Variants in NELL2 observed in about 807,000 individuals in gnomAD.
NELL2 encodes neural EGFL like 2, also known as protein kinase C-binding protein NELL2.
A neutral mutation model predicts 109.6 loss-of-function variants in NELL2; 41 were observed. The observed-to-expected ratio is 0.37, with a 90% CI of 0.29 to 0.49. NELL2 has a LOEUF of 0.49. Ranked by LOEUF, NELL2 falls within the 20% of genes least tolerant of loss-of-function variation. The pLI, the probability that NELL2 is intolerant of heterozygous loss-of-function variation, is 0.98. For missense variants in NELL2, 900 were observed against 1,008.3 expected, an observed-to-expected ratio of 0.89 and a Z score of 1.45; for synonymous variants, 355 against 344.7, an observed-to-expected ratio of 1.03 and a Z score of -0.33.
chr12:44,603,715 C>G (rs4768561), intron 15 of NELL2, among the ~76,000 whole-genome samples: 9,439 of 152,108 alleles, frequency 0.062, 405 homozygotes, highest in Non-Finnish European at 0.095. Context: ...TCATACACAT[C>G]GCCCTTTTGT....
intron 15 of NELL2, among the ~76,000 whole-genome samples, chr12:44,543,164 G>A (rs927641445): frequency 6.6e-6 from 1 of 151,974 alleles, no homozygotes; most frequent in African/African-American, 2.4e-5. Flanking sequence ...TTTCCACTTG[G>A]ATACAAAATT....
intron 13 of NELL2, among the ~76,000 whole-genome samples, chr12:44,613,048 A>C (rs1945681448): frequency 6.6e-6 from 1 of 152,046 alleles, no homozygotes; most frequent in African/African-American, 2.4e-5. Flanking sequence ...CCATGCCTTT[A>C]CATATATATA....
chr12:44,708,551 T>G (rs1191527082), intron 11 of NELL2, among the ~76,000 whole-genome samples: 1 of 152,192 alleles, frequency 6.6e-6, no homozygotes, highest in African/African-American at 2.4e-5. Context: ...TCTTTAGGAG[T>G]TGACTAAAAA....
intron 9 of NELL2, among the ~76,000 whole-genome samples, chr12:44,727,127 T>C (rs1443299571): frequency 6.6e-6 from 1 of 151,990 alleles, no homozygotes; most frequent in Non-Finnish European, 1.5e-5. Context: ...ACACTTAGAG[T>C]AGCAAGATTA....
intron 1 of NELL2, among the ~76,000 whole-genome samples, chr12:44,900,984 TCAAAA>T (rs140014427): frequency 0.025 from 3,824 of 150,068 alleles, 84 homozygotes; most frequent in African/African-American, 0.061. Flanking sequence ...TAAGAAACTG[TCAAAA>T]CAAAACAAAA....
chr12:44,741,486 G>C (rs1400796037), intron 9 of NELL2, among the ~76,000 whole-genome samples: 1 of 152,310 alleles, frequency 6.6e-6, no homozygotes, highest in Non-Finnish European at 1.5e-5. Context: ...CACCGGGCGT[G>C]AGCCAAAGCA....
chr12:44,772,814 T>A lies in NELL2; in HGVS notation c.994+1933A>T, dbSNP rs551158097. Among the ~76,000 whole-genome samples the A allele has an allele frequency of 5.9e-5, 9 of 152,244 alleles. No individual in the cohort carries two copies. In the South Asian group the frequency reaches 1.9e-3, roughly 32 times the overall value. ...TTTTTTTCATTATGTTGTGGTCTGC[T>A]CACTGATCACTCACTTCCAGCTTTA... On this transcript the variant is annotated intron_variant, in intron 9 of 19. Coordinates refer to ENST00000429094, the MANE Select transcript of NELL2 (RefSeq NM_001145108.2).
chr12:44,588,021 G>A (rs997647719), intron 15 of NELL2, among the ~76,000 whole-genome samples: 4 of 151,892 alleles, frequency 2.6e-5, no homozygotes, highest in Non-Finnish European at 5.9e-5. Context: ...CGTGGTGGCG[G>A]GCACCTGTAG....
chr12:44,543,262 T>G (rs1942655548), intron 15 of NELL2, among the ~76,000 whole-genome samples: 1 of 152,186 alleles, frequency 6.6e-6, no homozygotes, highest in Admixed American at 6.5e-5. Context: ...CTCTTTTTCT[T>G]GCTTTTGTCT....
chr12:44,666,521 T>G (rs1947931158), intron 12 of NELL2, among the ~76,000 whole-genome samples: 1 of 152,200 alleles, frequency 6.6e-6, no homozygotes, highest in South Asian at 2.1e-4. Flanking sequence ...GGATCAACTA[T>G]AAGAGATAGC....
At chr12:44,629,943 G>C (rs761157063) in intron 13 of NELL2, among the ~76,000 whole-genome samples, 2 of 152,146 alleles carry the variant, frequency 1.3e-5, no homozygotes, top group Admixed American at 6.5e-5. Flanking sequence ...AGAATCACAT[G>C]TTGGTTGGTT....
chr12:44,849,299 G>A (rs908307894), intron 2 of NELL2, among the ~76,000 whole-genome samples: 2 of 151,364 alleles, frequency 1.3e-5, no homozygotes, highest in Non-Finnish European at 2.9e-5. Flanking sequence ...TCTAACAAAG[G>A]GCATATTTTC....
intron 11 of NELL2, among the ~76,000 whole-genome samples, chr12:44,707,912 AAGG>A (rs1937973409): frequency 6.6e-6 from 1 of 152,188 alleles, no homozygotes; most frequent in African/African-American, 2.4e-5. Context: ...TTCCCAGGGA[AAGG>A]AGAACTGACA....
chr12:44,667,013 T>C (rs1264446936), intron 12 of NELL2, among the ~76,000 whole-genome samples: 3 of 152,212 alleles, frequency 2.0e-5, no homozygotes, highest in Non-Finnish European at 4.4e-5. Context: ...TCTATTTAAA[T>C]GTCCCTCCTA....
intron 15 of NELL2, among the ~76,000 whole-genome samples, chr12:44,588,548 T>C (rs1944629399): frequency 6.6e-6 from 1 of 152,176 alleles, no homozygotes; most frequent in South Asian, 2.1e-4. Flanking sequence ...GCACTGAAAG[T>C]AATCAGTGTG....
rs374317776 is a variant in NELL2 at position 44,641,749 on chromosome 12, T to C, written c.1444+23735A>G. On this transcript the variant is annotated intron_variant, in intron 13 of 19. Coordinates refer to ENST00000429094, the MANE Select transcript of NELL2 (RefSeq NM_001145108.2). ...TCTTGCTCTGTCATCCAGGCTGGAG[T>C]TCAGTGGTGGGATCTCGGCTCACTG... 1.0e-3 allele frequency among the ~76,000 whole-genome samples: 147 copies of C among 140,810 alleles called. 1 individual carries two copies. Among genetic ancestry groups the C allele is most frequent in the South Asian group, 9.9e-3 (42 of 4,260 alleles). The allele number at this position is 140,810 out of a possible 152,430, so 92.4% of individuals were successfully genotyped here.
In NELL2 at chr12:44,777,048, T is replaced by C; in HGVS notation, c.756A>G (p.Ser252=). 2.5e-6 allele frequency: 4 copies of C among 1,613,920 alleles called. No individual in the cohort carries two copies. The highest frequency in any genetic ancestry group is 2.5e-6 in the Non-Finnish European group (3 of 1,179,790). ...MELQDILAKT[S]AKLSRAEQRM... ...ATTCTTGAGTAGCTTTTACCTTGGC[T>C]GATGTTTTGGCTAAAATATCCTGTA... Residue 252 remains serine (S), a synonymous_variant, in exon 7 of 20, where the codon TCA becomes TCG. Transcript: ENST00000429094.
Position 44,711,328 on chromosome 12 carries a change from T to A in NELL2, c.1153A>T (p.Ile385Leu), listed in dbSNP as rs138926020. Reference sequence around the variant, plus strand: ...TTGCAACAGCTGTGAGACAAGGTTATCTGATGAGACTCTGGACAATCCAAA... The same window carrying A: ...TTGCAACAGCTGTGAGACAAGGTTAACTGATGAGACTCTGGACAATCCAAA... The part of the protein sequence containing the change: ...PALDCPESHQ[I>L]TLSHSCCKVC... Residue 385 changes from isoleucine to leucine, a missense_variant, in exon 11 of 20, where the codon ATA (isoleucine) becomes TTA (leucine). Around this residue, in one of 4 missense-constraint regions of NELL2, gnomAD observed 292 missense variants for 265.3 expected, o/e 1.10. Transcript: ENST00000429094. 6 of 1,612,682 alleles carry A rather than the reference T, an allele frequency of 3.7e-6. No individual in the cohort carries two copies. In the South Asian group the frequency reaches 6.6e-5, roughly 18 times the overall value.
chr12:44,835,924 G>A (rs1291745667), intron 2 of NELL2, among the ~76,000 whole-genome samples: 2 of 152,172 alleles, frequency 1.3e-5, no homozygotes, highest in Non-Finnish European at 2.9e-5. Context: ...CCAGGCAGAG[G>A]AAGAATATGT....
Sources: allele counts gnomAD v4.1 joint callset (sites outside exome capture counted in the v4.1 genomes callset), GRCh38; gene constraint gnomAD v4.1.1; regional missense constraint gnomAD v4.1.1; transcripts MANE v1.5; gene names NCBI Gene and HGNC (gene_info 2026-07-23, HGNC 2026-07-21).